TTC39C: variants seen among roughly 807,000 people sequenced by gnomAD.
The protein encoded by TTC39C is tetratricopeptide repeat domain 39C, also known as tetratricopeptide repeat protein 39C.
TTC39C carries 33 observed loss-of-function variants against 76.3 expected under a neutral mutation model. The observed-to-expected ratio is 0.43, with a 90% CI of 0.33 to 0.58. TTC39C has a LOEUF of 0.58. Ranked by LOEUF, TTC39C falls within the 20% of genes least tolerant of loss-of-function variation. The pLI, the probability that TTC39C is intolerant of heterozygous loss-of-function variation, is 0.04. For synonymous variants in TTC39C, 254 were observed against 260.6 expected (o/e 0.97, Z 0.24); for missense variants, 595 against 701.4 (o/e 0.85, Z 1.71).
At chr18:24,074,797 C>A (rs1452245128) in intron 4 of TTC39C, among the ~76,000 whole-genome samples, 8 of 152,196 alleles carry the variant, frequency 5.3e-5, no homozygotes, top group Admixed American at 5.2e-4. Context: ...CATCTCATTA[C>A]TGGGTATATA....
At position 24,086,201 on chromosome 18, in the gene TTC39C, G is replaced by A. The variant is rs58111645; in HGVS notation, c.984+3120G>A. On this transcript the variant is annotated intron_variant, in intron 6 of 13. Transcript: ENST00000317571. ...TTATCAACACGTACTCACAGAACAT[G>A]GTCTAGGGGCTTTAATTTAGGGCAG... is the stretch of plus-strand genomic sequence containing the variant. Among the ~76,000 whole-genome samples the A allele has an allele frequency of 7.9e-5, 12 of 152,224 alleles. No homozygotes were observed. In the East Asian group the frequency reaches 2.3e-3, roughly 29 times the overall value.
chr18:24,077,327 G>T (rs2084319702), intron 4 of TTC39C: 1 of 152,174 alleles, frequency 6.6e-6, no homozygotes, highest in Non-Finnish European at 1.5e-5. Context: ...ATGGGTAGGA[G>T]TAAAGTGTTC....
At chr18:24,045,628 G>A (rs966849208) in intron 1 of TTC39C, among the ~76,000 whole-genome samples, 19 of 151,880 alleles carry the variant, frequency 1.3e-4, no homozygotes, top group Admixed American at 6.6e-5. Context: ...AATGGAGTTG[G>A]CATACACAGG....
At chr18:24,095,919 G>A (rs77376666) in intron 6 of TTC39C, among the ~76,000 whole-genome samples, 19,040 of 152,054 alleles carry the variant, frequency 0.13, 1,366 homozygotes, top group Middle Eastern at 0.26. Context: ...CAATTAATGC[G>A]TCTTAGGGAA....
rs1392554899 is a variant in TTC39C, at chr18:24,045,899, A to ATATATATATGTATATGTATATG, written c.168-18232_168-18231insGTATATGTATATGTATATATAT. Among the ~76,000 whole-genome samples, 230 of 38,708 alleles carry ATATATATATGTATATGTATATG rather than the reference A, an allele frequency of 5.9e-3. 7 individuals are homozygous for ATATATATATGTATATGTATATG. The highest frequency in any genetic ancestry group is 0.037 in the Middle Eastern group (2 of 54). 25.4% of individuals were successfully genotyped at this position (38,708 alleles called of 152,430 possible). ...GGTACTTCCTTCTGTGAAAATATAT[A>ATATATATATGTATATGTATATG]TATATATATATATATATATATATAT... On this transcript the variant is annotated intron_variant, in intron 1 of 13. Coordinates refer to ENST00000317571, the MANE Select transcript of TTC39C (RefSeq NM_001135993.2).
At chr18:24,081,603 T>TTGTC (rs1002093469) in intron 5 of TTC39C, among the ~76,000 whole-genome samples, 5 of 152,218 alleles carry the variant, frequency 3.3e-5, no homozygotes, top group Admixed American at 3.3e-4. Flanking sequence ...CGGATATTCT[T>TTGTC]TGTCTAACAT....
intron 1 of TTC39C, among the ~76,000 whole-genome samples, chr18:24,047,933 T>C (rs981657182): frequency 3.3e-5 from 5 of 152,192 alleles, no homozygotes; most frequent in Non-Finnish European, 7.4e-5. Flanking sequence ...TACACCTATG[T>C]ACTCATAAAA....
At chr18:24,011,240 A>G (rs2145634909), upstream of TTC39C, among the ~76,000 whole-genome samples, 1 of 152,332 alleles carries the variant, frequency 6.6e-6, no homozygotes, top group East Asian at 1.9e-4. Flanking sequence ...CCTGACTGGC[A>G]TAATCCAATT....
chr18:24,024,979 G>A (rs933491885), intron 1 of TTC39C, among the ~76,000 whole-genome samples: 12 of 152,058 alleles, frequency 7.9e-5, no homozygotes, highest in African/African-American at 2.7e-4. Flanking sequence ...GGCGATTCTC[G>A]TGCCTCAGCC....
intron 1 of TTC39C, among the ~76,000 whole-genome samples, chr18:23,996,499 T>A (rs2083262634): frequency 6.6e-6 from 1 of 152,200 alleles, no homozygotes; most frequent in African/African-American, 2.4e-5. Flanking sequence ...CCTCAGGTTG[T>A]TTGCATATAC....
intron 3 of TTC39C, 76 bp downstream of exon 3, chr18:24,066,216 G>GTGATATTCTAAATAAGTGGCA: frequency 6.6e-7 from 1 of 1,514,564 alleles, no homozygotes; most frequent in South Asian, 1.3e-5. Context: ...TAGAACAAAA[G>GTGATATTCTAAATAAGTGGCA]CCATTTGCTT....
At chr18:24,124,849 A>G (rs1488575311) in intron 9 of TTC39C, among the ~76,000 whole-genome samples, 1 of 152,122 alleles carries the variant, frequency 6.6e-6, no homozygotes, top group African/African-American at 2.4e-5. Flanking sequence ...AATGCATGTA[A>G]ATCTAGTTTC....
intron 6 of TTC39C, among the ~76,000 whole-genome samples, chr18:24,086,764 C>T (rs553472014): frequency 6.6e-6 from 1 of 152,206 alleles, no homozygotes; most frequent in Non-Finnish European, 1.5e-5. Flanking sequence ...TCCTTGACTC[C>T]TCCCATGTGA....
Position 24,060,340 on chromosome 18 carries a change from C to G in TTC39C, c.168-3800C>G, listed in dbSNP as rs79066778. On this transcript the variant is annotated intron_variant, in intron 1 of 13. Coordinates refer to ENST00000317571, the MANE Select transcript of TTC39C (RefSeq NM_001135993.2). The stretch of plus-strand genomic sequence containing the variant: ...TTTTTTTTTTTTTTTTTTTTTGAGA[C>G]GTAGTCTCTCTCTGTCGCCCAGGCT... Among the ~76,000 whole-genome samples, 625 of 103,126 alleles carry G rather than the reference C, an allele frequency of 6.1e-3. 10 individuals carry two copies. The East Asian group carries it at 0.099, about 16-fold the overall frequency. The allele number at this position is 103,126 out of a possible 152,430, so 67.7% of individuals were successfully genotyped here. A position where few individuals can be genotyped will look rare whatever the true frequency, so the allele number is the denominator to read the frequency against.
At position 24,047,503 on chromosome 18, in the gene TTC39C, A is replaced by C. The variant is rs117494918; in HGVS notation, c.168-16637A>C. Among the ~76,000 whole-genome samples, 50 of 152,340 alleles carry C rather than the reference A, an allele frequency of 3.3e-4. No homozygotes were observed. The East Asian group carries it at 8.7e-3, about 26-fold the overall frequency. ...TGTGTATTTAATAGCACTTCTTCTC[A>C]AAAATCATAAGATGTCATTCTTAGA... On this transcript the variant is annotated intron_variant, in intron 1 of 13. Coordinates refer to ENST00000317571, the MANE Select transcript of TTC39C (RefSeq NM_001135993.2).
Position 24,016,989 on chromosome 18 carries a change from CA to C in TTC39C, c.167+1952del, listed in dbSNP as rs1257358320. On this transcript the variant is annotated intron_variant, in intron 1 of 13. Transcript: ENST00000317571. ...ACTTAGTTTTTACTGTGGACCAGGA[CA>C]CAAACACTATAGTTCTAAATCAAGG... 1.7e-4 allele frequency among the ~76,000 whole-genome samples: 26 copies of C among 152,314 alleles called. 1 individual carries two copies. The South Asian group carries it at 4.8e-3, about 28-fold the overall frequency.
Position 24,132,677 on chromosome 18 carries a change from C to A in TTC39C, c.*103C>A. Reference sequence around the variant, plus strand: ...TGAAGATGGGCTTTTCTTCTGAAAACCACCTGTGCCAGGGACACATTTTCC... The same window carrying A: ...TGAAGATGGGCTTTTCTTCTGAAAAACACCTGTGCCAGGGACACATTTTCC... On this transcript the variant is annotated 3_prime_UTR_variant, in exon 14 of 14. Transcript: ENST00000317571. 3.4e-6 allele frequency: 3 copies of A among 884,240 alleles called. No individual in the cohort carries two copies. Among genetic ancestry groups the A allele is most frequent in the East Asian group, 5.5e-5 (2 of 36,566 alleles). The allele number at this position is 884,240 out of a possible 1,614,324, so 54.8% of individuals were successfully genotyped here.
intron 6 of TTC39C, among the ~76,000 whole-genome samples, chr18:24,104,104 G>C (rs1356587667): frequency 1.3e-5 from 2 of 152,080 alleles, no homozygotes; most frequent in African/African-American, 4.8e-5. Context: ...GCTAATTTTT[G>C]TATTTTTAGT....
In TTC39C at chr18:24,027,057, C is replaced by T. The variant is rs1270585505; in HGVS notation, c.167+12019C>T. On this transcript the variant is annotated intron_variant, in intron 1 of 13. Coordinates refer to ENST00000317571, the MANE Select transcript of TTC39C (RefSeq NM_001135993.2). ...CTGTGATCCTAGCACTTCGGGAGGC[C>T]GAGGCAGGTGGGTCACTTGAGGTCA... 5.3e-5 allele frequency among the ~76,000 whole-genome samples: 8 copies of T among 152,138 alleles called. No individual in the cohort carries two copies. In the South Asian group the frequency reaches 6.2e-4, roughly 12 times the overall value.
Sources: allele counts gnomAD v4.1 joint callset (sites outside exome capture counted in the v4.1 genomes callset), GRCh38; gene constraint gnomAD v4.1.1; transcripts MANE v1.5; gene names NCBI Gene and HGNC (gene_info 2026-07-23, HGNC 2026-07-21).